Variants in EBF3 observed in about 807,000 individuals in gnomAD.
The protein encoded by EBF3 is transcription factor COE3.
Under a neutral mutation model 77.1 loss-of-function variants are expected in EBF3, and 18 were observed. The ratio of observed to expected loss-of-function variants is 0.23; its 90% CI spans 0.16 to 0.35. EBF3 has a LOEUF of 0.35. EBF3 is among the 10% of genes least tolerant of loss of function. The pLI is 1.00. For synonymous variants in EBF3, 350 were observed against 343.5 expected (o/e 1.02, Z -0.21); for missense variants, 558 against 860.0 (o/e 0.65, Z 4.39).
chr10:129,922,771 C>T (rs1031248367), intron 6 of EBF3, among the ~76,000 whole-genome samples: 4 of 152,290 alleles, frequency 2.6e-5, no homozygotes, highest in South Asian at 2.1e-4. Flanking sequence ...TGGGGGCTGA[C>T]GGGACCACCC....
intron 6 of EBF3, among the ~76,000 whole-genome samples, chr10:129,953,724 G>C (rs1858840130): frequency 6.6e-6 from 1 of 152,196 alleles, no homozygotes; most frequent in Admixed American, 6.5e-5. Context: ...TCCCCACTTT[G>C]CAACAGTTGG....
At position 129,873,612 on chromosome 10, in the gene EBF3, G is replaced by A. The variant is rs201789279; in HGVS notation, c.637-16C>T. 2.7e-4 allele frequency: 401 copies of A among 1,505,078 alleles called. No individual in the cohort carries two copies. The highest frequency in any genetic ancestry group is 3.5e-4 in the Non-Finnish European group (390 of 1,123,438). 93.2% of individuals were successfully genotyped at this position (1,505,078 alleles called of 1,614,324 possible). A position where few individuals can be genotyped will look rare whatever the true frequency, so the allele number is the denominator to read the frequency against. The stretch of plus-strand genomic sequence containing the variant: ...ATACAACAACCTGCAAAGATGAAGT[G>A]GATTTGAAAATGGAATTGGCAAAGA... On this transcript the variant is annotated splice_polypyrimidine_tract_variant and intron_variant, in intron 7 of 16. Transcript: ENST00000440978.
At chr10:129,850,918 G>A (rs1850831148) in intron 10 of EBF3, among the ~76,000 whole-genome samples, 1 of 152,154 alleles carries the variant, frequency 6.6e-6, no homozygotes, top group South Asian at 2.1e-4. Flanking sequence ...AAAGCACCGG[G>A]GCCTCACACA....
chr10:129,960,863 GAAAT>G (rs1387617664), intron 4 of EBF3, among the ~76,000 whole-genome samples: 1 of 152,062 alleles, frequency 6.6e-6, no homozygotes, highest in Non-Finnish European at 1.5e-5. Flanking sequence ...ATATACAAAG[GAAAT>G]AAAATCACCC....
chr10:129,866,588 G>A (rs138977493), intron 10 of EBF3, among the ~76,000 whole-genome samples: 16 of 152,294 alleles, frequency 1.1e-4, no homozygotes, highest in Middle Eastern at 3.4e-3. Flanking sequence ...CAAAGAATAC[G>A]GATCTCCTTT....
At chr10:129,850,631 C>T (rs921225188) in intron 10 of EBF3, among the ~76,000 whole-genome samples, 2 of 152,220 alleles carry the variant, frequency 1.3e-5, no homozygotes, top group Non-Finnish European at 2.9e-5. Flanking sequence ...CTACTGGAAG[C>T]CCAGTGAGTT....
chr10:129,850,029 G>A (rs1439132666), intron 10 of EBF3, among the ~76,000 whole-genome samples: 1 of 152,270 alleles, frequency 6.6e-6, no homozygotes, highest in Non-Finnish European at 1.5e-5. Flanking sequence ...CATAGTTCGG[G>A]CCGCGGGGCG....
intron 9 of EBF3, 62 bp downstream of exon 9, chr10:129,867,720 G>C: frequency 3.7e-6 from 6 of 1,600,588 alleles, no homozygotes; most frequent in Non-Finnish European, 5.1e-6. Flanking sequence ...ACTATTGACA[G>C]CTTGTCAAAT....
At chr10:129,869,493 T>C (rs781375027) in intron 8 of EBF3, among the ~76,000 whole-genome samples, 1 of 151,200 alleles carries the variant, frequency 6.6e-6, no homozygotes, top group Non-Finnish European at 1.5e-5. Context: ...AGGTTGTTCA[T>C]CTTATTTGAG....
At chr10:129,907,216 G>A (rs183555952) in intron 6 of EBF3, among the ~76,000 whole-genome samples, 1 of 152,276 alleles carries the variant, frequency 6.6e-6, no homozygotes, top group East Asian at 1.9e-4. Flanking sequence ...CCTTTCAAAG[G>A]GACCCGTTAA....
In EBF3 at chr10:129,836,920, A is replaced by T. The variant is rs960555678; in HGVS notation, c.*1023T>A. ...TCAAATGAAGACCATTTTATTCCTT[A>T]TAAGACACATAAGGAATAAAACTTG... is the stretch of plus-strand genomic sequence containing the variant. On this transcript the variant is annotated 3_prime_UTR_variant, in exon 17 of 17. Coordinates refer to ENST00000440978, the MANE Select transcript of EBF3 (RefSeq NM_001375380.1). 1 of 152,710 alleles carries T rather than the reference A, an allele frequency of 6.5e-6. No individual in the cohort carries two copies. The highest frequency in any genetic ancestry group is 1.5e-5 in the Non-Finnish European group (1 of 68,048). The allele number at this position is 152,710 out of a possible 1,614,324, so 9.5% of individuals were successfully genotyped here. A position where few individuals can be genotyped will look rare whatever the true frequency, so the allele number is the denominator to read the frequency against.
At chr10:129,928,453 C>T (rs1403802891) in intron 6 of EBF3, among the ~76,000 whole-genome samples, 1 of 152,174 alleles carries the variant, frequency 6.6e-6, no homozygotes, top group Admixed American at 6.5e-5. Context: ...ATTGTATGCA[C>T]TAATCCGCCT....
At position 129,863,128 on chromosome 10, in the gene EBF3, A is replaced by G. The variant is rs1320352423; in HGVS notation, c.1039+4013T>C. Among the ~76,000 whole-genome samples the G allele has an allele frequency of 1.3e-5, 2 of 152,220 alleles. No individual in the cohort carries two copies. Among genetic ancestry groups the G allele is most frequent in the Non-Finnish European group, 2.9e-5 (2 of 68,040 alleles). Reference sequence around the variant, plus strand: ...ATTTACTATTAACTGGCAATTACATACAGAGTGATTGTTAATTCTGCTCCT... The same window carrying G: ...ATTTACTATTAACTGGCAATTACATGCAGAGTGATTGTTAATTCTGCTCCT... On this transcript the variant is annotated intron_variant, in intron 10 of 16. Coordinates refer to ENST00000440978, the MANE Select transcript of EBF3 (RefSeq NM_001375380.1). The surrounding 1 kb of genome is among the most constrained non-coding windows in gnomAD (Gnocchi z 4.0).
At chr10:129,940,481 T>C (rs1328240398) in intron 6 of EBF3, among the ~76,000 whole-genome samples, 1 of 152,226 alleles carries the variant, frequency 6.6e-6, no homozygotes, top group Non-Finnish European at 1.5e-5. Context: ...ATCCCAGCTA[T>C]ACCCCTTCCC....
At chr10:129,880,218 T>C (rs1853094167) in intron 6 of EBF3, among the ~76,000 whole-genome samples, 1 of 152,132 alleles carries the variant, frequency 6.6e-6, no homozygotes, top group Non-Finnish European at 1.5e-5. Flanking sequence ...AGTCGGGTGC[T>C]GGACCCCAGA....
At position 129,837,949 on chromosome 10, in the gene EBF3, G is replaced by T. The variant is rs1360960521; in HGVS notation, c.1884C>A (p.Gly628=). 4 of 1,613,976 alleles carry T rather than the reference G, an allele frequency of 2.5e-6. No individual in the cohort carries two copies. In the African/African-American group the frequency reaches 5.3e-5, roughly 22 times the overall value. The change falls in exon 17 of 17, where the codon GGC becomes GGA. Residue 628 remains glycine (G), a synonymous_variant. Transcript: ENST00000440978. ...LKKGTGKLCL[G]W The stretch of plus-strand genomic sequence containing the variant: ...GTCCCTCACATTGGCGGGACTACCA[G>T]CCCAGACATAGCTGCAAGACAGAAG...
intron 6 of EBF3, among the ~76,000 whole-genome samples, chr10:129,915,649 G>A (rs1420354993): frequency 1.3e-5 from 2 of 152,196 alleles, no homozygotes; most frequent in African/African-American, 4.8e-5. Flanking sequence ...GGAAAGCTGT[G>A]CCCACAGATG....
intron 6 of EBF3, among the ~76,000 whole-genome samples, chr10:129,934,204 T>C (rs1857207930): frequency 6.6e-6 from 1 of 151,866 alleles, no homozygotes; most frequent in African/African-American, 2.4e-5. Context: ...CCTTGATCCA[T>C]TGCCTGAAGA....
intron 6 of EBF3, among the ~76,000 whole-genome samples, chr10:129,951,679 C>T (rs1858690929): frequency 6.6e-6 from 1 of 152,250 alleles, no homozygotes; most frequent in African/African-American, 2.4e-5. Context: ...AGGCCTGGGC[C>T]TGGTGGTGGC....
Sources: allele counts gnomAD v4.1 joint callset (sites outside exome capture counted in the v4.1 genomes callset), GRCh38; gene constraint gnomAD v4.1.1; non-coding constraint Gnocchi (gnomAD v3.1); transcripts MANE v1.5; gene names NCBI Gene and HGNC (gene_info 2026-07-23, HGNC 2026-07-21).